Variants in MEI4 observed in about 807,000 individuals in gnomAD.
The protein encoded by MEI4 is meiosis-specific protein MEI4.
A neutral mutation model predicts 31.4 loss-of-function variants in MEI4; 27 were observed. The observed-to-expected ratio is 0.86, with a 90% CI of 0.63 to 1.19. The LOEUF (loss-of-function observed/expected upper bound fraction) is 1.19. Ranked by LOEUF, MEI4 falls within the 50% of genes most tolerant of loss-of-function variation. The pLI is 0.00. For missense variants in MEI4, 329 were observed against 398.9 expected (o/e 0.82, Z 1.49); for synonymous variants, 122 against 145.4 (o/e 0.84, Z 1.16).
At chr6:77,706,399 A>G (rs1766334674) in intron 2 of MEI4, among the ~76,000 whole-genome samples, 1 of 152,134 alleles carries the variant, frequency 6.6e-6, no homozygotes, top group Non-Finnish European at 1.5e-5. Context: ...ATTAGGTCAT[A>G]TCATTTTTGT....
At chr6:77,816,590 G>A (rs967643415) in intron 3 of MEI4, among the ~76,000 whole-genome samples, 35 of 152,134 alleles carry the variant, frequency 2.3e-4, no homozygotes, top group African/African-American at 6.7e-4. Flanking sequence ...GAATAGTGCC[G>A]CAATAAACAT....
intron 2 of MEI4, among the ~76,000 whole-genome samples, chr6:77,710,972 A>T (rs1766450985): frequency 6.6e-6 from 1 of 152,232 alleles, no homozygotes; most frequent in South Asian, 2.1e-4. Flanking sequence ...TCTGAAGTAC[A>T]CTACAGTTAT....
chr6:77,712,754 G>A (rs1349662799), intron 2 of MEI4, among the ~76,000 whole-genome samples: 3 of 152,012 alleles, frequency 2.0e-5, no homozygotes, highest in East Asian at 3.9e-4. Context: ...GGTGGATCAC[G>A]AGGTCAGGAG....
rs369430965 is a variant in MEI4 at position 77,654,506 on chromosome 6, A to C, written c.-15+1414A>C. ...CCTTATCTGTGGGTTCTTTATCCAT[A>C]GATTCAAACCAACCACAGATTGAAT... On this transcript the variant is annotated intron_variant, in intron 1 of 4. Transcript: ENST00000684080. Among the ~76,000 whole-genome samples, 17 of 132,828 alleles carry C rather than the reference A, an allele frequency of 1.3e-4. No individual in the cohort carries two copies. The East Asian group carries it at 2.3e-3, about 18-fold the overall frequency. The allele number at this position is 132,828 out of a possible 152,430, so 87.1% of individuals were successfully genotyped here.
chr6:77,839,906 A>G (rs1308467840), intron 4 of MEI4, among the ~76,000 whole-genome samples: 1 of 152,200 alleles, frequency 6.6e-6, no homozygotes, highest in East Asian at 1.9e-4. Flanking sequence ...AAGAATCAGA[A>G]AAATGTTGAC....
chr6:77,701,429 G>A (rs1009028001), intron 2 of MEI4, among the ~76,000 whole-genome samples: 1 of 152,032 alleles, frequency 6.6e-6, no homozygotes, highest in Admixed American at 6.6e-5. Flanking sequence ...TGTGTGTGCG[G>A]GTGGGGCAGG....
chr6:77,740,460 T>G (rs1258060959), intron 2 of MEI4, among the ~76,000 whole-genome samples: 1 of 152,152 alleles, frequency 6.6e-6, no homozygotes, highest in African/African-American at 2.4e-5. Flanking sequence ...TTGTCACCAT[T>G]TCTCAAAAAT....
intron 2 of MEI4, among the ~76,000 whole-genome samples, chr6:77,747,870 A>G (rs142663312): frequency 7.2e-5 from 11 of 152,298 alleles, no homozygotes; most frequent in African/African-American, 1.4e-4. Context: ...CCAAGATACA[A>G]TGGGGGTACT....
chr6:77,903,649 G>T (rs564373254), intron 4 of MEI4, among the ~76,000 whole-genome samples: 1 of 152,162 alleles, frequency 6.6e-6, no homozygotes, highest in African/African-American at 2.4e-5. Flanking sequence ...TTTTACCATT[G>T]ATTATGATGT....
intron 1 of MEI4, among the ~76,000 whole-genome samples, chr6:77,653,726 A>C (rs1244450663): frequency 6.6e-6 from 1 of 152,202 alleles, no homozygotes; most frequent in Admixed American, 6.5e-5. Context: ...ACATCATCTA[A>C]AGAGAGTAAG....
intron 3 of MEI4, among the ~76,000 whole-genome samples, chr6:77,762,724 A>C (rs1164711142): frequency 6.6e-6 from 1 of 152,082 alleles, no homozygotes; most frequent in African/African-American, 2.4e-5. Flanking sequence ...TTCCTTCTCT[A>C]TTAAGGTATG....
intron 3 of MEI4, among the ~76,000 whole-genome samples, chr6:77,786,200 G>GT: frequency 6.6e-6 from 1 of 152,192 alleles, no homozygotes; most frequent in African/African-American, 2.4e-5. Flanking sequence ...TAGTGAAGAG[G>GT]TTTTTGTTGG....
At chr6:77,917,095 T>G (rs1766576958) in intron 4 of MEI4, among the ~76,000 whole-genome samples, 1 of 151,944 alleles carries the variant, frequency 6.6e-6, no homozygotes, top group Non-Finnish European at 1.5e-5. Context: ...ACAAAGGACA[T>G]GAACTCATCA....
chr6:77,785,372 T>C (rs919480900), intron 3 of MEI4, among the ~76,000 whole-genome samples: 4 of 152,184 alleles, frequency 2.6e-5, no homozygotes, highest in Non-Finnish European at 4.4e-5. Flanking sequence ...CACTTGGAGA[T>C]AATAGGCCTA....
chr6:77,741,344 A>G (rs1767394894), intron 2 of MEI4, among the ~76,000 whole-genome samples: 1 of 152,104 alleles, frequency 6.6e-6, no homozygotes, highest in Non-Finnish European at 1.5e-5. Context: ...TAAGGAGAGA[A>G]TTTCTGTTAT....
At chr6:77,858,430 A>G (rs1461815740) in intron 4 of MEI4, among the ~76,000 whole-genome samples, 1 of 152,162 alleles carries the variant, frequency 6.6e-6, no homozygotes, top group Non-Finnish European at 1.5e-5. Flanking sequence ...AAATTATTTG[A>G]GTTATTTTGT....
At chr6:77,879,241 G>C (rs1337821827) in intron 4 of MEI4, among the ~76,000 whole-genome samples, 1 of 152,030 alleles carries the variant, frequency 6.6e-6, no homozygotes, top group Non-Finnish European at 1.5e-5. Context: ...CTGTTTATAT[G>C]CTGTGAACAT....
intron 4 of MEI4, among the ~76,000 whole-genome samples, chr6:77,871,848 A>T (rs1771201307): frequency 6.6e-6 from 1 of 152,170 alleles, no homozygotes; most frequent in South Asian, 2.1e-4. Context: ...AAGGACATAG[A>T]TGTACAAGGA....
At chr6:77,699,800 C>G (rs1481129213) in intron 2 of MEI4, among the ~76,000 whole-genome samples, 1 of 152,156 alleles carries the variant, frequency 6.6e-6, no homozygotes, top group Non-Finnish European at 1.5e-5. Context: ...TTCTACCATT[C>G]AGGACCCTCA....
Sources: gnomAD v4.1 joint callset for allele counts (sites outside exome capture counted in the v4.1 genomes callset) on GRCh38, gnomAD v4.1.1 for gene constraint, MANE v1.5 for transcripts, NCBI Gene and HGNC (gene_info 2026-07-23, HGNC 2026-07-21) for gene names.